Variants in PCNX2 observed in about 807,000 individuals in gnomAD.
The protein encoded by PCNX2 is pecanex-like protein 2.
A neutral mutation model predicts 223.8 loss-of-function variants in PCNX2; 168 were observed. The observed-to-expected ratio is 0.75, with a 90% CI of 0.66 to 0.85. The LOEUF is 0.85. PCNX2 is among the 40% of genes least tolerant of loss of function. PCNX2 has a pLI of 0.00. For synonymous variants in PCNX2, 1,006 were observed against 1,052.6 expected (o/e 0.96, Z 0.86); for missense variants, 2,507 against 2,675.5 (o/e 0.94, Z 1.39).
At chr1:233,187,194 C>A (rs1014602619) in intron 15 of PCNX2, among the ~76,000 whole-genome samples, 1 of 151,582 alleles carries the variant, frequency 6.6e-6, no homozygotes, top group African/African-American at 2.4e-5. Context: ...TAAAACACAT[C>A]GAAGGTAAAA....
At chr1:233,172,595 C>T in intron 17 of PCNX2, 2 of 960,030 alleles carry the variant, frequency 2.1e-6, no homozygotes, top group Non-Finnish European at 2.5e-6. Context: ...CATTGGACAC[C>T]CACCTGGGCT....
At chr1:233,134,915 A>AT (rs137940165) in intron 21 of PCNX2, 98 bp downstream of exon 21, 66 of 1,080,780 alleles carry the variant, frequency 6.1e-5, no homozygotes, top group South Asian at 4.0e-4. Context: ...TCCTCCCATA[A>AT]TTTTTTTTAT....
chr1:232,989,654 T>G (rs1443828688), intron 32 of PCNX2, among the ~76,000 whole-genome samples: 1 of 152,204 alleles, frequency 6.6e-6, no homozygotes, highest in Non-Finnish European at 1.5e-5. Context: ...ATCACTTCTA[T>G]GAGCTCAGCA....
chr1:233,177,709 T>G, intron 17 of PCNX2, 93 bp downstream of exon 17: 1 of 1,093,482 alleles, frequency 9.1e-7, no homozygotes, highest in Non-Finnish European at 1.3e-6. Context: ...CTAGTCCTTC[T>G]CATGTCCACC....
At chr1:233,264,769 C>G (rs1439423973) in intron 1 of PCNX2, among the ~76,000 whole-genome samples, 2 of 152,112 alleles carry the variant, frequency 1.3e-5, no homozygotes, top group African/African-American at 2.4e-5. Flanking sequence ...CTTATATTTA[C>G]ATCCTAAATA....
chr1:233,208,399 AG>A, intron 13 of PCNX2, 118 bp downstream of exon 13: 1 of 1,104,618 alleles, frequency 9.1e-7, no homozygotes, highest in Non-Finnish European at 1.3e-6. Flanking sequence ...GCAAGCCAAG[AG>A]GAAAGTGCAC....
At chr1:233,225,805 C>T (rs768437399) in intron 10 of PCNX2, among the ~76,000 whole-genome samples, 2 of 152,054 alleles carry the variant, frequency 1.3e-5, no homozygotes, top group Non-Finnish European at 2.9e-5. Context: ...TTCAAAAATG[C>T]CTCATTTACC....
intron 10 of PCNX2, among the ~76,000 whole-genome samples, chr1:233,220,000 T>C (rs1159299191): frequency 1.3e-5 from 2 of 152,188 alleles, no homozygotes; most frequent in African/African-American, 2.4e-5. Context: ...CATAGTTCTG[T>C]CTTTTCCAGA....
In PCNX2 at chr1:232,991,046, C is replaced by T. The variant is rs112599582; in HGVS notation, c.5792-4506G>A. Among the ~76,000 whole-genome samples, 109 of 152,266 alleles carry T rather than the reference C, an allele frequency of 7.2e-4. No individual in the cohort carries two copies. Among genetic ancestry groups the T allele is most frequent in the African/African-American group, 2.4e-3 (101 of 41,540 alleles). On this transcript the variant is annotated intron_variant, in intron 32 of 33. Coordinates refer to ENST00000258229, the MANE Select transcript of PCNX2 (RefSeq NM_014801.4). This position sits in a 1 kb window ranked among gnomAD's most constrained non-coding sequence, Gnocchi z 4.3. Reference sequence around the variant, plus strand: ...TAGGGCTGCCCACCTGAGCGTCCACCGTGGGCTGCACTGTCCTAGGTGCCG... The same window carrying T: ...TAGGGCTGCCCACCTGAGCGTCCACTGTGGGCTGCACTGTCCTAGGTGCCG...
chr1:233,241,407 C>T, intron 8 of PCNX2: 1 of 977,520 alleles, frequency 1.0e-6, no homozygotes, highest in Non-Finnish European at 1.2e-6. Context: ...GTCCTTATGC[C>T]TCTATGCCTG....
intron 23 of PCNX2, 199 bp downstream of exon 23, chr1:233,089,862 T>C (rs1673781663): frequency 1.6e-5 from 21 of 1,324,842 alleles, no homozygotes; most frequent in Non-Finnish European, 1.9e-5. Context: ...TAATTTGAAA[T>C]CAGTCATGTT....
At chr1:233,127,095 A>G (rs1406273427) in intron 21 of PCNX2, among the ~76,000 whole-genome samples, 1 of 152,156 alleles carries the variant, frequency 6.6e-6, no homozygotes, top group East Asian at 1.9e-4. Context: ...CCAAGACTCC[A>G]TGTCTTCTCA....
intron 26 of PCNX2, among the ~76,000 whole-genome samples, chr1:233,017,596 A>T (rs35380441): frequency 1.3e-4 from 20 of 151,904 alleles, no homozygotes; most frequent in Non-Finnish European, 2.6e-4. Flanking sequence ...GATTACAGGC[A>T]TGAGCCACCA....
chr1:233,248,936 G>C (rs1659289730), intron 8 of PCNX2, among the ~76,000 whole-genome samples: 1 of 152,154 alleles, frequency 6.6e-6, no homozygotes, highest in Non-Finnish European at 1.5e-5. Flanking sequence ...GGAAATGGAA[G>C]GCAGGTTAAA....
intron 16 of PCNX2, 56 bp from the exon 17 acceptor site, chr1:233,177,954 G>A (rs777428984): frequency 9.3e-5 from 130 of 1,400,156 alleles, no homozygotes; most frequent in East Asian, 1.8e-4. Flanking sequence ...CAGTGTTTTC[G>A]GTAAATAACT....
At chr1:233,285,235 C>T (rs1407150258) in intron 1 of PCNX2, among the ~76,000 whole-genome samples, 1 of 151,978 alleles carries the variant, frequency 6.6e-6, no homozygotes, top group African/African-American at 2.4e-5. Context: ...GCCTGAAGTC[C>T]CAGCTACTCA....
chr1:233,062,748 CTAAT>C (rs1672450735), intron 23 of PCNX2, among the ~76,000 whole-genome samples: 1 of 152,116 alleles, frequency 6.6e-6, no homozygotes, highest in Non-Finnish European at 1.5e-5. Context: ...TGTTATTATG[CTAAT>C]TGTATTGTTT....
chr1:233,085,402 A>G (rs1489695381), intron 23 of PCNX2, among the ~76,000 whole-genome samples: 1 of 152,138 alleles, frequency 6.6e-6, no homozygotes, highest in African/African-American at 2.4e-5. Context: ...AATGAAAACT[A>G]AACAAGTTCA....
intron 32 of PCNX2, among the ~76,000 whole-genome samples, chr1:232,992,509 T>G (rs756280882): frequency 6.6e-6 from 1 of 152,142 alleles, no homozygotes; most frequent in Non-Finnish European, 1.5e-5. Flanking sequence ...CTTGTTTCCA[T>G]CAACTCATTC....
Sources: gnomAD v4.1 joint callset for allele counts (sites outside exome capture counted in the v4.1 genomes callset) on GRCh38, gnomAD v4.1.1 for gene constraint, Gnocchi (gnomAD v3.1) non-coding constraint, MANE v1.5 for transcripts, NCBI Gene and HGNC (gene_info 2026-07-23, HGNC 2026-07-21) for gene names.